NRG3: variants seen among roughly 807,000 people sequenced by gnomAD.
NRG3 encodes the protein pro-neuregulin-3, membrane-bound isoform.
Under a neutral mutation model 66.9 loss-of-function variants are expected in NRG3, and 31 were observed. The observed-to-expected ratio is 0.46, with a 90% CI of 0.35 to 0.63. NRG3 has a LOEUF of 0.63. NRG3 is among the 20% of genes least tolerant of loss of function. NRG3 has a pLI of 0.00. For synonymous variants in NRG3, 393 were observed against 359.4 expected, an observed-to-expected ratio of 1.09 and a Z score of -1.06; for missense variants, 910 against 878.9, an observed-to-expected ratio of 1.04 and a Z score of -0.45.
At chr10:82,580,869 T>C (rs899732343) in intron 2 of NRG3, among the ~76,000 whole-genome samples, 4 of 151,148 alleles carry the variant, frequency 2.6e-5, no homozygotes, top group African/African-American at 9.7e-5. Flanking sequence ...TGAATAAAGC[T>C]GTTAGAAACA....
intron 1 of NRG3, among the ~76,000 whole-genome samples, chr10:82,039,895 T>G (rs1410476705): frequency 1.3e-5 from 2 of 152,124 alleles, no homozygotes; most frequent in Non-Finnish European, 2.9e-5. Context: ...TTCAGGGATA[T>G]GGGAAGAAAG....
chr10:82,940,220 A>G (rs1848472308), intron 4 of NRG3, among the ~76,000 whole-genome samples: 1 of 152,172 alleles, frequency 6.6e-6, no homozygotes, highest in Non-Finnish European at 1.5e-5. Flanking sequence ...TGCTGTAACA[A>G]AGCACCACAA....
At position 82,478,231 on chromosome 10, in the gene NRG3, CTTTTTTTT is replaced by C. The variant is rs1210990084; in HGVS notation, c.953+119384_953+119391del. On this transcript the variant is annotated intron_variant, in intron 2 of 8. Transcript: ENST00000372141. Reference sequence around the variant, plus strand: ...ATGCTGAGTGTTGGCTTGTGTCACTCTTTTTTTTTTTTTTTTTTTTTTTTTTTTAATTT... The same window carrying C: ...ATGCTGAGTGTTGGCTTGTGTCACTCTTTTTTTTTTTTTTTTTTTTAATTT... Among the ~76,000 whole-genome samples the C allele has an allele frequency of 1.2e-3, 21 of 18,164 alleles. 5 individuals carry two copies. The South Asian group carries it at 0.062, about 53-fold the overall frequency. 11.9% of individuals were successfully genotyped at this position (18,164 alleles called of 152,430 possible).
intron 2 of NRG3, among the ~76,000 whole-genome samples, chr10:82,488,042 T>A (rs1842826931): frequency 6.6e-6 from 1 of 152,200 alleles, no homozygotes; most frequent in African/African-American, 2.4e-5. Flanking sequence ...ATAAGAAAAT[T>A]TAATTAAAAT....
intron 2 of NRG3, among the ~76,000 whole-genome samples, chr10:82,477,929 G>A (rs77739255): frequency 0.013 from 1,938 of 152,312 alleles, 41 homozygotes; most frequent in African/African-American, 0.044. Flanking sequence ...GTGAGGCCAA[G>A]TGTGCAATGA....
chr10:82,941,901 T>C lies in NRG3; in HGVS notation c.1055-9568T>C, dbSNP rs528491938. Among the ~76,000 whole-genome samples, 37 of 152,330 alleles carry C rather than the reference T, an allele frequency of 2.4e-4. No homozygotes were observed. In the South Asian group the frequency reaches 7.5e-3, roughly 31 times the overall value. On this transcript the variant is annotated intron_variant, in intron 4 of 8. Transcript: ENST00000372141. ...CTATAAGAGTAATCATGCTTCATTT[T>C]GATACCTAGTGGCAACACATAGGAT... is the stretch of plus-strand genomic sequence containing the variant.
At chr10:82,575,320 A>G (rs1312129943) in intron 2 of NRG3, among the ~76,000 whole-genome samples, 1 of 151,788 alleles carries the variant, frequency 6.6e-6, no homozygotes, top group Non-Finnish European at 1.5e-5. Flanking sequence ...GGGGGACAGC[A>G]TAAGAAAAAA....
intron 4 of NRG3, among the ~76,000 whole-genome samples, chr10:82,904,995 A>T (rs1844591311): frequency 6.6e-6 from 1 of 152,120 alleles, no homozygotes; most frequent in African/African-American, 2.4e-5. Flanking sequence ...ACAAGTGTGG[A>T]TTTTTCACAA....
chr10:81,886,212 C>T (rs1842603078), intron 1 of NRG3, among the ~76,000 whole-genome samples: 1 of 152,130 alleles, frequency 6.6e-6, no homozygotes, highest in African/African-American at 2.4e-5. Context: ...AATGCCCACT[C>T]CATGCCGAGC....
intron 1 of NRG3, among the ~76,000 whole-genome samples, chr10:82,170,328 C>T (rs1390963299): frequency 6.6e-6 from 1 of 151,966 alleles, no homozygotes; most frequent in Non-Finnish European, 1.5e-5. Flanking sequence ...AGAGAGCAAG[C>T]ATGTGGCCGG....
chr10:82,738,161 G>A (rs1384250689), intron 2 of NRG3, among the ~76,000 whole-genome samples: 2 of 151,650 alleles, frequency 1.3e-5, no homozygotes, highest in East Asian at 3.9e-4. Context: ...ATCAATAATA[G>A]ATCCATTATA....
chr10:82,785,247 T>C (rs1016701652), intron 3 of NRG3, among the ~76,000 whole-genome samples: 1 of 151,914 alleles, frequency 6.6e-6, no homozygotes, highest in Non-Finnish European at 1.5e-5. Flanking sequence ...GAGATATACC[T>C]AATGCTAAAT....
At chr10:82,145,870 C>A (rs1316219499) in intron 1 of NRG3, among the ~76,000 whole-genome samples, 1 of 151,994 alleles carries the variant, frequency 6.6e-6, no homozygotes, top group Non-Finnish European at 1.5e-5. Flanking sequence ...CATCGCTCTC[C>A]ACAGGCCATT....
intron 2 of NRG3, among the ~76,000 whole-genome samples, chr10:82,481,583 G>T (rs1377834543): frequency 6.6e-6 from 1 of 152,128 alleles, no homozygotes; most frequent in Non-Finnish European, 1.5e-5. Context: ...TTTTGAACAG[G>T]ATGGAAACAG....
chr10:82,229,809 C>A (rs1254504126), intron 1 of NRG3, among the ~76,000 whole-genome samples: 11 of 152,070 alleles, frequency 7.2e-5, no homozygotes, highest in African/African-American at 2.4e-4. Context: ...ACAGGCAAAC[C>A]ATATTAAGTA....
At chr10:81,998,354 C>A (rs183524295) in intron 1 of NRG3, among the ~76,000 whole-genome samples, 1 of 152,178 alleles carries the variant, frequency 6.6e-6, no homozygotes, top group Admixed American at 6.5e-5. Flanking sequence ...GACATTCCCT[C>A]CTGTGGCTAG....
chr10:82,053,645 C>G (rs1025658666), intron 1 of NRG3, among the ~76,000 whole-genome samples: 2 of 152,140 alleles, frequency 1.3e-5, no homozygotes, highest in African/African-American at 2.4e-5. Context: ...GTGAATAAAA[C>G]ACACTCAAAT....
intron 3 of NRG3, among the ~76,000 whole-genome samples, chr10:82,740,135 C>CTTCTCTTCCTCCCTCT (rs2058350709): frequency 6.7e-6 from 1 of 149,080 alleles, no homozygotes; most frequent in African/African-American, 2.5e-5. Context: ...TATAATACTT[C>CTTCTCTTCCTCCCTCT]TTCCCTTCCT....
chr10:82,684,867 AATGTAGGAAGT>A (rs1472775685), intron 2 of NRG3, among the ~76,000 whole-genome samples: 2 of 152,152 alleles, frequency 1.3e-5, no homozygotes, highest in Non-Finnish European at 2.9e-5. Context: ...ACTAAATAGG[AATGTAGGAAGT>A]ATCAAGGGAA....
Sources: allele counts gnomAD v4.1 joint callset (sites outside exome capture counted in the v4.1 genomes callset), GRCh38; gene constraint gnomAD v4.1.1; transcripts MANE v1.5; gene names NCBI Gene and HGNC (gene_info 2026-07-23, HGNC 2026-07-21).